The following ARHGAP8 variants were observed in gnomAD, a reference collection of about 807,000 sequenced individuals.
ARHGAP8 encodes rho GTPase-activating protein 8.
Under a neutral mutation model 46.1 loss-of-function variants are expected in ARHGAP8, and 62 were observed. That is an observed-to-expected ratio of 1.34 (90% CI 1.10 to 1.66). ARHGAP8 has a LOEUF of 1.66. Among genes scored for constraint, ARHGAP8 ranks in the 40% most tolerant of loss-of-function variants. The pLI is 0.00. For missense variants in ARHGAP8, 923 were observed against 568.4 expected (o/e 1.62, Z -6.34); for synonymous variants, 375 against 243.1 (o/e 1.54, Z -5.05).
At chr22:44,817,827 T>G (rs1929860664) in intron 5 of ARHGAP8, among the ~76,000 whole-genome samples, 1 of 151,982 alleles carries the variant, frequency 6.6e-6, no homozygotes, top group Non-Finnish European at 1.5e-5. Flanking sequence ...AGAAAAGTCC[T>G]TAGAGGGCGA....
intron 1 of ARHGAP8, among the ~76,000 whole-genome samples, chr22:44,767,724 T>G (rs1204781275): frequency 2.0e-5 from 3 of 151,466 alleles, no homozygotes; most frequent in Non-Finnish European, 2.9e-5. Context: ...AATAAAAAAA[T>G]TAGCCGGGCG....
intron 3 of ARHGAP8, among the ~76,000 whole-genome samples, chr22:44,804,931 G>A (rs1928830019): frequency 6.6e-6 from 1 of 152,192 alleles, no homozygotes; most frequent in Admixed American, 6.5e-5. Flanking sequence ...GCTGCACGGC[G>A]AGACCTGCAG....
intron 2 of ARHGAP8, among the ~76,000 whole-genome samples, chr22:44,792,021 C>CTTTT (rs748389226): frequency 0.096 from 7,463 of 78,032 alleles, 269 homozygotes; most frequent in African/African-American, 0.22. Flanking sequence ...TTCTTTCTTT[C>CTTTT]TTTTTTTTTT....
At chr22:44,860,342 C>G (rs2070411570) in intron 11 of ARHGAP8, among the ~76,000 whole-genome samples, 1 of 152,114 alleles carries the variant, frequency 6.6e-6, no homozygotes, top group Admixed American at 6.5e-5. Context: ...GGGCTGTGCT[C>G]CTTCCAGAGG....
At chr22:44,860,233 C>G (rs991154201) in intron 11 of ARHGAP8, among the ~76,000 whole-genome samples, 1 of 152,116 alleles carries the variant, frequency 6.6e-6, no homozygotes, top group Non-Finnish European at 1.5e-5. Flanking sequence ...ACACCCAGAA[C>G]CACGTACATT....
intron 7 of ARHGAP8, among the ~76,000 whole-genome samples, chr22:44,839,066 C>T (rs1017879165): frequency 1.2e-4 from 19 of 152,096 alleles, no homozygotes; most frequent in African/African-American, 4.3e-4. Context: ...GTCTGGCTTC[C>T]TAAGGAACCA....
chr22:44,816,605 G>A (rs1344311515), intron 5 of ARHGAP8, among the ~76,000 whole-genome samples: 1 of 152,058 alleles, frequency 6.6e-6, no homozygotes. Context: ...TTGAGCCCAG[G>A]AGTGTGACCT....
At position 44,862,357 on chromosome 22, in the gene ARHGAP8, A is replaced by G. The variant is rs769570870; in HGVS notation, c.1064A>G (p.Gln355Arg). The G allele has an allele frequency of 1.1e-5, 17 of 1,614,008 alleles. No individual in the cohort carries two copies. The highest frequency in any genetic ancestry group is 1.4e-5 in the Non-Finnish European group (16 of 1,180,006). The change falls in exon 12 of 12, where the codon CAG becomes CGG. Residue 355 changes from glutamine (Q) to arginine (R), a missense_variant. By Grantham distance (43) the Gln-to-Arg change is conservative. Transcript: ENST00000356099. ...VFGLNLIWPS[Q>R]GVSSLSALVP... ...GGGCTGAATTTGATCTGGCCATCCC[A>G]GGGGGTCTCCTCCCTGAGTGCCCTT... is the stretch of plus-strand genomic sequence containing the variant.
At chr22:44,805,133 C>T (rs780233155) in intron 3 of ARHGAP8, among the ~76,000 whole-genome samples, 27 of 152,172 alleles carry the variant, frequency 1.8e-4, no homozygotes, top group Non-Finnish European at 3.4e-4. Flanking sequence ...CTTGAGAGGA[C>T]GCATTCCCTT....
chr22:44,778,845 G>T (rs1926611892), intron 1 of ARHGAP8, among the ~76,000 whole-genome samples: 1 of 152,092 alleles, frequency 6.6e-6, no homozygotes, highest in Non-Finnish European at 1.5e-5. Context: ...CTAATGGTCA[G>T]CCCTCCTCTC....
chr22:44,772,147 G>A (rs148949194), intron 1 of ARHGAP8, among the ~76,000 whole-genome samples: 329 of 138,558 alleles, frequency 2.4e-3, no homozygotes, highest in African/African-American at 8.5e-3. Flanking sequence ...TTCCTTTTCT[G>A]TATCTGTTTT....
At chr22:44,765,231 TG>T (rs1925462299) in intron 1 of ARHGAP8, 1 of 152,370 alleles carries the variant, frequency 6.6e-6, no homozygotes, top group Non-Finnish European at 1.5e-5. Flanking sequence ...CTCGTGTCAC[TG>T]TCTCCTGCAA....
At chr22:44,762,885 G>A (rs545379586) in intron 1 of ARHGAP8, among the ~76,000 whole-genome samples, 11 of 152,124 alleles carry the variant, frequency 7.2e-5, no homozygotes, top group Non-Finnish European at 1.5e-4. Flanking sequence ...GTACTGTAAT[G>A]AGGTGACTCA....
intron 1 of ARHGAP8, among the ~76,000 whole-genome samples, chr22:44,764,994 T>A (rs1925441566): frequency 6.6e-6 from 1 of 152,000 alleles, no homozygotes; most frequent in African/African-American, 2.4e-5. Flanking sequence ...CCATCAGTGG[T>A]TTTTGAGGTA....
chr22:44,857,823 C>G (rs1457795985), intron 10 of ARHGAP8, among the ~76,000 whole-genome samples: 1 of 152,096 alleles, frequency 6.6e-6, no homozygotes, highest in African/African-American at 2.4e-5. Flanking sequence ...TCTCTCTACA[C>G]TGGGGTGGTT....
At chr22:44,787,597 G>A (rs943100403) in intron 2 of ARHGAP8, among the ~76,000 whole-genome samples, 3 of 152,060 alleles carry the variant, frequency 2.0e-5, no homozygotes, top group South Asian at 2.1e-4. Flanking sequence ...CACCTGTCTC[G>A]GTCTCCCAGA....
At chr22:44,794,108 C>G (rs147186985) in intron 2 of ARHGAP8, among the ~76,000 whole-genome samples, 1 of 152,336 alleles carries the variant, frequency 6.6e-6, no homozygotes, top group Non-Finnish European at 1.5e-5. Flanking sequence ...CACTTGGCCT[C>G]TGGGCCTCAG....
At chr22:44,832,619 A>C (rs143356966) in intron 7 of ARHGAP8, among the ~76,000 whole-genome samples, 3 of 152,266 alleles carry the variant, frequency 2.0e-5, no homozygotes, top group African/African-American at 7.2e-5. Flanking sequence ...ATGCAACCCT[A>C]CTGAACTTGT....
chr22:44,854,744 T>C (rs1177460202), intron 10 of ARHGAP8, among the ~76,000 whole-genome samples: 1 of 152,160 alleles, frequency 6.6e-6, no homozygotes, highest in African/African-American at 2.4e-5. Context: ...GTTCAAGCAA[T>C]TCTCCCACCT....
Sources: gnomAD v4.1 joint callset for allele counts (sites outside exome capture counted in the v4.1 genomes callset) on GRCh38, gnomAD v4.1.1 for gene constraint, MANE v1.5 for transcripts, NCBI Gene and HGNC (gene_info 2026-07-23, HGNC 2026-07-21) for gene names.